NDRG4: variants seen among roughly 807,000 people sequenced by gnomAD.
The protein encoded by NDRG4 is NDRG family member 4.
In NDRG4, 38 loss-of-function variants were observed where a neutral mutation model predicts 55.8. The observed-to-expected ratio is 0.68, with a 90% CI of 0.53 to 0.89. The LOEUF is 0.89. Among genes scored for constraint, NDRG4 ranks in the 40% least tolerant of loss-of-function variants. The pLI is 0.00. For synonymous variants in NDRG4, 190 were observed against 182.7 expected (o/e 1.04, Z -0.32); for missense variants, 455 against 468.6 (o/e 0.97, Z 0.27).
intron 1 of NDRG4, among the ~76,000 whole-genome samples, chr16:58,473,958 T>G (rs1436428782): frequency 3.3e-5 from 5 of 150,482 alleles, no homozygotes; most frequent in Non-Finnish European, 7.4e-5. Flanking sequence ...ACCACCCCTG[T>G]CCTCATCTCC....
chr16:58,506,271 A>ACAGACC (rs765922067), intron 5 of NDRG4, 116 bp from the exon 6 acceptor site: 1 of 980,596 alleles, frequency 1.0e-6, no homozygotes, highest in Non-Finnish European at 1.6e-6. Context: ...GTGTGCATGC[A>ACAGACC]CAGACCCGGC....
intron 1 of NDRG4, among the ~76,000 whole-genome samples, chr16:58,473,779 C>G (rs2033203047): frequency 6.6e-6 from 1 of 152,188 alleles, no homozygotes; most frequent in African/African-American, 2.4e-5. Context: ...CATTTCCACC[C>G]TAACCCCCAG....
upstream of NDRG4, chr16:58,500,028 A>C (rs982697): frequency 0.95 from 1,261,407 of 1,328,036 alleles, 599,406 homozygotes; most frequent in Admixed American, 0.98. Flanking sequence ...AGCAGCCAAT[A>C]TGGGAGCTGG....
intron 5 of NDRG4, 186 bp downstream of exon 5, chr16:58,504,835 A>T (rs946991919): frequency 1.6e-4 from 100 of 621,150 alleles, no homozygotes; most frequent in Non-Finnish European, 2.7e-4. Context: ...TAACTTTTTT[A>T]AAAAAGAGGT....
intron 1 of NDRG4, among the ~76,000 whole-genome samples, chr16:58,472,700 C>G (rs536600207): frequency 1.3e-5 from 2 of 152,284 alleles, no homozygotes; most frequent in South Asian, 4.1e-4. Flanking sequence ...GTCTCTCTCT[C>G]CCTCATTCCT....
rs2038474365 is a variant in NDRG4, at chr16:58,509,326, A to G, written c.839A>G (p.Lys280Arg). 1 of 1,613,986 alleles carries G rather than the reference A, an allele frequency of 6.2e-7. No individual in the cohort carries two copies. The highest frequency in any genetic ancestry group is 8.5e-7 in the Non-Finnish European group (1 of 1,179,998). Residue 280 changes from lysine to arginine, a missense_variant, in exon 13 of 15, where the codon AAA becomes AGA. Coordinates refer to ENST00000570248, the MANE Select transcript of NDRG4 (RefSeq NM_001242835.2). ...TQPGKLTEAF[K>R]YFLQGMGYIA... The stretch of plus-strand genomic sequence containing the variant: ...CCAGGGAAGCTGACTGAAGCCTTCA[A>G]ATACTTCCTGCAAGGCATGGGCTAC...
chr16:58,477,711 A>G (rs2033860385), intron 1 of NDRG4, among the ~76,000 whole-genome samples: 1 of 151,986 alleles, frequency 6.6e-6, no homozygotes, highest in Non-Finnish European at 1.5e-5. Context: ...ATCATTAGGC[A>G]ACCACCAAAG....
At chr16:58,465,264 G>A (rs767929753) in intron 1 of NDRG4, 1 of 519,040 alleles carries the variant, frequency 1.9e-6, no homozygotes, top group African/African-American at 1.9e-5. Context: ...CTGGGGGAGG[G>A]GGCTGATCAC....
Position 58,504,184 on chromosome 16 carries a change from T to C in NDRG4, c.158T>C (p.Phe53Ser), listed in dbSNP as rs1313340192. ...HKLCFNTFFN[F>S]EDMQEITKHF... ...CTATGCTTCAACACCTTCTTCAACTTCGAGGACATGCAGGAGATCACCAAG... is the reference window on the plus strand; with the variant it reads ...CTATGCTTCAACACCTTCTTCAACTCCGAGGACATGCAGGAGATCACCAAG... The change falls in exon 3 of 15, where the codon TTC becomes TCC. Residue 53 changes from phenylalanine to serine, a missense_variant. Phe to Ser is a radical substitution (Grantham distance 155). Coordinates refer to ENST00000570248, the MANE Select transcript of NDRG4 (RefSeq NM_001242835.2). The C allele has an allele frequency of 2.0e-5, 32 of 1,614,050 alleles. No homozygotes were observed. Among genetic ancestry groups the C allele is most frequent in the Non-Finnish European group, 2.6e-5 (31 of 1,180,040 alleles).
At chr16:58,507,431 T>A in intron 8 of NDRG4, 1 of 355,146 alleles carries the variant, frequency 2.8e-6, no homozygotes, top group Non-Finnish European at 5.1e-6. Context: ...GCCCCCTCAC[T>A]CACGTGCCCT....
chr16:58,504,113 C>A lies in NDRG4; in HGVS notation c.128-41C>A, dbSNP rs369984544. 1.9e-6 allele frequency: 3 copies of A among 1,611,258 alleles called. No individual in the cohort carries two copies. In the African/African-American group the frequency reaches 4.0e-5, roughly 22 times the overall value. ...GGGCCCGGCCTTCCTTCCAGTCCCC[C>A]GGCCCCTCTGCTCAGCCATAGTGGA... On this transcript the variant is annotated intron_variant, in intron 2 of 14. Transcript: ENST00000570248.
chr16:58,511,223 C>T, intron 14 of NDRG4, 199 bp from the exon 15 acceptor site: 1 of 614,498 alleles, frequency 1.6e-6, no homozygotes, highest in Non-Finnish European at 2.8e-6. Flanking sequence ...CTGCTGGCCG[C>T]AGCCCCCTAG....
rs948893147 is a variant in NDRG4 at position 58,510,667 on chromosome 16, G to T, written c.888G>T (p.Arg296Ser). 6.5e-7 allele frequency: 1 copy of T among 1,536,040 alleles called. No individual in the cohort carries two copies. Among genetic ancestry groups the T allele is most frequent in the Non-Finnish European group, 8.7e-7 (1 of 1,146,912 alleles). The change falls in exon 14 of 15, where the codon AGG becomes AGT. Residue 296 changes from arginine (R) to serine (S), a missense_variant. Coordinates refer to ENST00000570248, the MANE Select transcript of NDRG4 (RefSeq NM_001242835.2). ...MGYIAYLKDR[R>S]LSGGAVPSAS... ...TAGTTGCGTACTTGAAGGACCGAAG[G>T]CTGAGTGGAGGAGCAGGTAGCCCCA...
rs2031219170 is a variant in NDRG4 at position 58,464,645 on chromosome 16, G to A, written c.-24+848G>A. ...AGCCCAGCCCCGGGAGAGGACTTGA[G>A]GTTGTGGCGAGTCCCTGGCGCTGGC... On this transcript the variant is annotated intron_variant, in intron 1 of 15. Coordinates refer to the NDRG4 transcript ENST00000258187. The surrounding 1 kb of genome is among the most constrained non-coding windows in gnomAD (Gnocchi z 4.8). 8.3e-6 allele frequency: 8 copies of A among 959,450 alleles called. No homozygotes were observed. The highest frequency in any genetic ancestry group is 1.1e-5 in the Non-Finnish European group (8 of 724,884). 59.4% of individuals were successfully genotyped at this position (959,450 alleles called of 1,614,324 possible).
Position 58,464,699 on chromosome 16 carries a change from G to T in NDRG4, c.-24+902G>T, listed in dbSNP as rs1388311511. The T allele has an allele frequency of 1.3e-5, 16 of 1,191,090 alleles. No homozygotes were observed. The highest frequency in any genetic ancestry group is 1.7e-5 in the Non-Finnish European group (16 of 935,872). The allele number at this position is 1,191,090 out of a possible 1,614,324, so 73.8% of individuals were successfully genotyped here. On this transcript the variant is annotated intron_variant, in intron 1 of 15. Transcript: ENST00000258187. This position sits in a 1 kb window ranked among gnomAD's most constrained non-coding sequence, Gnocchi z 4.8. ...CGGGCTGCGGGAGCACCGGTCAGGGGGTGGCCCCATGGGGTCTCTGACCAG... is the reference window on the plus strand; with the variant it reads ...CGGGCTGCGGGAGCACCGGTCAGGGTGTGGCCCCATGGGGTCTCTGACCAG...
chr16:58,504,281 A>C lies in NDRG4; in HGVS notation c.248+7A>C, dbSNP rs780612225. On this transcript the variant is annotated splice_region_variant and intron_variant, in intron 3 of 14. Transcript: ENST00000570248. ...CGTCGCAGTTTCCTCAGGGGTAGGT[A>C]CCCTGAGCCCCCTCTGCCTGTCTCC... is the stretch of plus-strand genomic sequence containing the variant. The C allele has an allele frequency of 3.1e-6, 5 of 1,613,798 alleles. No individual in the cohort carries two copies. In the African/African-American group the frequency reaches 6.7e-5, roughly 22 times the overall value.
At chr16:58,489,539 C>T (rs947493176) in intron 2 of NDRG4, among the ~76,000 whole-genome samples, 2 of 151,990 alleles carry the variant, frequency 1.3e-5, no homozygotes, top group Non-Finnish European at 2.9e-5. Flanking sequence ...GAGAGTCCCT[C>T]TCTAACCCCT....
chr16:58,474,734 T>A (rs892112034), intron 1 of NDRG4, among the ~76,000 whole-genome samples: 1 of 152,168 alleles, frequency 6.6e-6, no homozygotes, highest in Non-Finnish European at 1.5e-5. Flanking sequence ...CAGTATCTGG[T>A]GAATGAATAA....
Position 58,507,878 on chromosome 16 carries a change from G to A in NDRG4, c.677+14G>A. 6.2e-7 allele frequency: 1 copy of A among 1,613,998 alleles called. No individual in the cohort carries two copies. The highest frequency in any genetic ancestry group is 8.5e-7 in the Non-Finnish European group (1 of 1,179,974). The stretch of plus-strand genomic sequence containing the variant: ...CAAGACGCTCCGGTGAGTGGCCCCT[G>A]GCCCTCTGGCCTGCCCTGGCCTTTG... On this transcript the variant is annotated intron_variant, in intron 9 of 14. Transcript: ENST00000570248.
Sources: allele counts gnomAD v4.1 joint callset (sites outside exome capture counted in the v4.1 genomes callset), GRCh38; gene constraint gnomAD v4.1.1; non-coding constraint Gnocchi (gnomAD v3.1); transcripts MANE v1.5; gene names NCBI Gene and HGNC (gene_info 2026-07-23, HGNC 2026-07-21).